Variants in SEMA3E observed in about 807,000 individuals in gnomAD.
The protein encoded by SEMA3E is semaphorin-3E.
Under a neutral mutation model 93.6 loss-of-function variants are expected in SEMA3E, and 49 were observed. That is an observed-to-expected ratio of 0.52 (90% confidence interval 0.42 to 0.66). The LOEUF is 0.66. Among genes scored for constraint, SEMA3E ranks in the 30% least tolerant of loss-of-function variants. The pLI, the probability that SEMA3E is intolerant of heterozygous loss-of-function variation, is 0.00. For missense variants in SEMA3E, 906 were observed against 964.8 expected (o/e 0.94, Z 0.81); for synonymous variants, 363 against 330.7 (o/e 1.10, Z -1.06).
chr7:83,530,104 A>T (rs1461234596), intron 1 of SEMA3E, among the ~76,000 whole-genome samples: 1 of 152,138 alleles, frequency 6.6e-6, no homozygotes, highest in Non-Finnish European at 1.5e-5. Context: ...CATTGATGAG[A>T]AGGAAACTTA....
chr7:83,635,339 T>C (rs1793860841), intron 1 of SEMA3E, among the ~76,000 whole-genome samples: 1 of 151,930 alleles, frequency 6.6e-6, no homozygotes, highest in Admixed American at 6.6e-5. Flanking sequence ...TGCTCAGGAT[T>C]ATAGAAGTGA....
intron 1 of SEMA3E, among the ~76,000 whole-genome samples, chr7:83,611,540 C>A (rs1238986015): frequency 6.6e-6 from 1 of 151,204 alleles, no homozygotes; most frequent in Non-Finnish European, 1.5e-5. Flanking sequence ...TTCCAGCAGC[C>A]TTCCCCATCA....
chr7:83,620,767 A>T (rs1479834476), intron 1 of SEMA3E, among the ~76,000 whole-genome samples: 2 of 152,142 alleles, frequency 1.3e-5, no homozygotes, highest in Admixed American at 1.3e-4. Flanking sequence ...CAATAGACAC[A>T]GAAAAGGCCT....
intron 1 of SEMA3E, among the ~76,000 whole-genome samples, chr7:83,542,382 G>C (rs1791555464): frequency 6.6e-6 from 1 of 151,908 alleles, no homozygotes; most frequent in Non-Finnish European, 1.5e-5. Context: ...ACTAGAATTA[G>C]AAAAATCAAC....
intron 12 of SEMA3E, among the ~76,000 whole-genome samples, 197 bp from the exon 13 acceptor site, chr7:83,394,535 A>G (rs1788082348): frequency 6.6e-6 from 1 of 152,070 alleles, no homozygotes; most frequent in Admixed American, 6.6e-5. Context: ...CAGGGTGGGC[A>G]GATATGCAGA....
chr7:83,413,083 T>C (rs1174807068), intron 5 of SEMA3E, among the ~76,000 whole-genome samples: 2 of 152,194 alleles, frequency 1.3e-5, no homozygotes, highest in Non-Finnish European at 2.9e-5. Flanking sequence ...ATTCTTTATA[T>C]TAATTCTAAA....
chr7:83,422,787 G>A lies in SEMA3E; in HGVS notation c.457-4304C>T, dbSNP rs147270028. Among the ~76,000 whole-genome samples the A allele has an allele frequency of 2.1e-3, 322 of 152,234 alleles. 1 individual carries two copies. Among genetic ancestry groups the A allele is most frequent in the African/African-American group, 6.9e-3 (285 of 41,572 alleles). ...TGCAAGAGCAATACAAGTACATTGC[G>A]TATTTATTCAAATAATTTTAATACA... On this transcript the variant is annotated intron_variant, in intron 4 of 16. Coordinates refer to ENST00000643230, the MANE Select transcript of SEMA3E (RefSeq NM_012431.3).
intron 1 of SEMA3E, among the ~76,000 whole-genome samples, chr7:83,523,732 G>A (rs1791096564): frequency 6.6e-6 from 1 of 151,922 alleles, no homozygotes. Flanking sequence ...TCCTATCTAT[G>A]TATTTTCCTT....
intron 1 of SEMA3E, among the ~76,000 whole-genome samples, chr7:83,532,628 C>G (rs772863459): frequency 2.6e-5 from 4 of 152,094 alleles, no homozygotes; most frequent in African/African-American, 4.8e-5. Flanking sequence ...AGTTTCTTCT[C>G]TGTGCTTACT....
chr7:83,405,916 G>T, intron 8 of SEMA3E, 29 bp downstream of exon 8: 1 of 1,508,736 alleles, frequency 6.6e-7, no homozygotes, highest in Non-Finnish European at 9.2e-7. Flanking sequence ...ACATAAAAGA[G>T]CAAATTTAAT....
At chr7:83,439,624 G>A (rs912247238) in intron 4 of SEMA3E, among the ~76,000 whole-genome samples, 4 of 152,046 alleles carry the variant, frequency 2.6e-5, no homozygotes, top group South Asian at 4.1e-4. Flanking sequence ...TGATTTCAAC[G>A]CCACAGTCTA....
intron 1 of SEMA3E, among the ~76,000 whole-genome samples, chr7:83,567,573 G>A (rs895430361): frequency 6.6e-6 from 1 of 152,030 alleles, no homozygotes; most frequent in Admixed American, 6.5e-5. Context: ...AGATCAAAAT[G>A]GAATAACACC....
rs1172164498 is a variant in SEMA3E at position 83,405,519 on chromosome 7, T to C, written c.929A>G (p.Glu310Gly). 1.9e-6 allele frequency: 3 copies of C among 1,612,794 alleles called. No homozygotes were observed. Among genetic ancestry groups the C allele is most frequent in the Non-Finnish European group, 2.5e-6 (3 of 1,179,106 alleles). ...NGIDTYFDEL[E>G]DVFLLPTRDH... ...TCTGGTAGGTAGCAAAAAAACGTCC[T>C]CTGAAAAATTAAAGGCCATTCCATC... The change falls in exon 9 of 17, where the codon GAG becomes GGG. Residue 310 changes from glutamate (E) to glycine (G), a missense_variant and splice_region_variant. Coordinates refer to ENST00000643230, the MANE Select transcript of SEMA3E (RefSeq NM_012431.3).
At chr7:83,589,646 A>T (rs215310) in intron 1 of SEMA3E, among the ~76,000 whole-genome samples, 79,699 of 151,952 alleles carry the variant, frequency 0.52, 21,457 homozygotes, top group Middle Eastern at 0.68. Context: ...ATATATTTTA[A>T]CCCAATATAT....
At chr7:83,620,980 G>A (rs954459988) in intron 1 of SEMA3E, among the ~76,000 whole-genome samples, 1 of 152,068 alleles carries the variant, frequency 6.6e-6, no homozygotes, top group Non-Finnish European at 1.5e-5. Flanking sequence ...ACATAGCATT[G>A]GAAGTTCTGG....
intron 16 of SEMA3E, among the ~76,000 whole-genome samples, chr7:83,381,131 T>C (rs1203798994): frequency 6.6e-6 from 1 of 152,024 alleles, no homozygotes; most frequent in African/African-American, 2.4e-5. Context: ...TCTTTTTAAA[T>C]ACAAATGTTA....
intron 1 of SEMA3E, among the ~76,000 whole-genome samples, chr7:83,614,931 C>G (rs893871835): frequency 1.3e-5 from 2 of 152,062 alleles, no homozygotes; most frequent in Admixed American, 6.6e-5. Context: ...GACTAGTTCA[C>G]CAACAATCAA....
At chr7:83,507,824 A>T (rs1790736187) in intron 1 of SEMA3E, among the ~76,000 whole-genome samples, 1 of 151,964 alleles carries the variant, frequency 6.6e-6, no homozygotes, top group Non-Finnish European at 1.5e-5. Context: ...GGTGGTGTGC[A>T]CCTGTGGTCC....
chr7:83,514,755 G>A (rs1790893126), intron 1 of SEMA3E, among the ~76,000 whole-genome samples: 1 of 151,932 alleles, frequency 6.6e-6, no homozygotes, highest in South Asian at 2.1e-4. Context: ...AGAGGTACAT[G>A]GCCATTATTA....
Sources: allele counts gnomAD v4.1 joint callset (sites outside exome capture counted in the v4.1 genomes callset), GRCh38; gene constraint gnomAD v4.1.1; transcripts MANE v1.5; gene names NCBI Gene and HGNC (gene_info 2026-07-23, HGNC 2026-07-21).